Variants in LYPD6B observed in about 807,000 individuals in gnomAD.
The protein encoded by LYPD6B is ly6/PLAUR domain-containing protein 6B.
In LYPD6B, 17 loss-of-function variants were observed where a neutral mutation model predicts 22.8. That is an observed-to-expected ratio of 0.75 (90% CI 0.51 to 1.12). The LOEUF is 1.12. Among genes scored for constraint, LYPD6B ranks in the 50% most tolerant of loss-of-function variants. The pLI is 0.00. For synonymous variants in LYPD6B, 106 were observed against 91.6 expected (o/e 1.16, Z -0.90); for missense variants, 221 against 258.3 (o/e 0.86, Z 0.99).
chr2:149,039,473 C>T (rs918978077), intron 1 of LYPD6B, among the ~76,000 whole-genome samples: 8 of 152,240 alleles, frequency 5.3e-5, no homozygotes, highest in Non-Finnish European at 1.2e-4. Flanking sequence ...TGTCCACCTC[C>T]CAAGGCCAGG....
chr2:149,075,838 A>G (rs73963326), intron 1 of LYPD6B, among the ~76,000 whole-genome samples: 4,708 of 152,358 alleles, frequency 0.031, 242 homozygotes, highest in African/African-American at 0.11. Flanking sequence ...TATGTAATCC[A>G]TATAATTTTA....
chr2:149,115,617 T>TGTGGAAATGTTTAGAG (rs1230425426), intron 1 of LYPD6B, among the ~76,000 whole-genome samples: 1 of 152,192 alleles, frequency 6.6e-6, no homozygotes, highest in Admixed American at 6.5e-5. Context: ...CTGTGGTGAT[T>TGTGGAAATGTTTAGAG]GTGGAAATGT....
intron 1 of LYPD6B, among the ~76,000 whole-genome samples, chr2:149,050,106 G>T (rs932474554): frequency 6.6e-6 from 1 of 152,184 alleles, no homozygotes; most frequent in Non-Finnish European, 1.5e-5. Flanking sequence ...AGCGTAGTTT[G>T]TATGTTGCTC....
chr2:149,143,647 A>G (rs1688835214), intron 2 of LYPD6B, among the ~76,000 whole-genome samples: 1 of 152,170 alleles, frequency 6.6e-6, no homozygotes, highest in African/African-American at 2.4e-5. Context: ...TGAGGAGCAT[A>G]AAGACAGAAT....
At chr2:149,202,915 G>A (rs1279441111) in intron 3 of LYPD6B, among the ~76,000 whole-genome samples, 1 of 152,110 alleles carries the variant, frequency 6.6e-6, no homozygotes, top group East Asian at 1.9e-4. Context: ...CCTATGAAAT[G>A]GGTATTATTA....
chr2:149,146,522 T>C (rs1401825181), intron 2 of LYPD6B, among the ~76,000 whole-genome samples: 1 of 152,234 alleles, frequency 6.6e-6, no homozygotes, highest in East Asian at 1.9e-4. Context: ...CGCCAGGCTG[T>C]GTGAAAGGAG....
chr2:149,040,880 G>A (rs981939559), intron 1 of LYPD6B, among the ~76,000 whole-genome samples: 2 of 152,196 alleles, frequency 1.3e-5, no homozygotes, highest in Admixed American at 6.5e-5. Flanking sequence ...TCATTCATTC[G>A]ACATATAATA....
At chr2:149,211,442 C>T (rs926762465) in intron 5 of LYPD6B, among the ~76,000 whole-genome samples, 1 of 152,176 alleles carries the variant, frequency 6.6e-6, no homozygotes, top group South Asian at 2.1e-4. Flanking sequence ...CCTCAGTTTA[C>T]CAGTAAAATG....
intron 3 of LYPD6B, among the ~76,000 whole-genome samples, chr2:149,166,225 G>A (rs1001811290): frequency 1.4e-4 from 21 of 152,180 alleles, no homozygotes; most frequent in Non-Finnish European, 2.4e-4. Context: ...CCCAAGGAAA[G>A]GGTGGGTTGA....
At chr2:149,096,227 G>C (rs4667357) in intron 1 of LYPD6B, among the ~76,000 whole-genome samples, 85,114 of 151,798 alleles carry the variant, frequency 0.56, 24,452 homozygotes, top group Admixed American at 0.64. Context: ...AAGAGAGAGA[G>C]ACACACACAG....
intron 1 of LYPD6B, chr2:149,068,955 C>T (rs185976069): frequency 1.1e-4 from 27 of 246,050 alleles, no homozygotes; most frequent in African/African-American, 2.3e-5. Flanking sequence ...AAAATTATCT[C>T]GTCCGTCTCT....
chr2:149,150,954 C>G (rs991136933), intron 2 of LYPD6B, among the ~76,000 whole-genome samples: 1 of 151,998 alleles, frequency 6.6e-6, no homozygotes, highest in African/African-American at 2.4e-5. Context: ...GAGTCCTACC[C>G]TATTCTCATT....
intron 1 of LYPD6B, among the ~76,000 whole-genome samples, chr2:149,046,760 A>G (rs746273506): frequency 3.3e-5 from 5 of 152,082 alleles, no homozygotes; most frequent in African/African-American, 4.8e-5. Context: ...TTTCATTTGT[A>G]GTCTTATAGC....
chr2:149,147,991 A>G (rs1048544095), intron 2 of LYPD6B, among the ~76,000 whole-genome samples: 2 of 149,030 alleles, frequency 1.3e-5, no homozygotes, highest in African/African-American at 5.0e-5. Context: ...GGTAGTTTCC[A>G]TTCTTCTTCT....
chr2:149,179,244 C>T (rs991316939), intron 3 of LYPD6B, among the ~76,000 whole-genome samples: 1 of 152,190 alleles, frequency 6.6e-6, no homozygotes, highest in South Asian at 2.1e-4. Flanking sequence ...GAGTCTTCAA[C>T]GTGAATTAGA....
chr2:149,132,017 C>A (rs76987643), intron 2 of LYPD6B, among the ~76,000 whole-genome samples: 1,681 of 151,874 alleles, frequency 0.011, 12 homozygotes, highest in Non-Finnish European at 0.015. Flanking sequence ...AAAGACATGC[C>A]AAAGCTAACA....
At chr2:149,159,930 G>A (rs1362279376) in intron 2 of LYPD6B, among the ~76,000 whole-genome samples, 1 of 151,980 alleles carries the variant, frequency 6.6e-6, no homozygotes, top group Non-Finnish European at 1.5e-5. Context: ...ATACCTTCTT[G>A]GCATGGACTG....
intron 1 of LYPD6B, among the ~76,000 whole-genome samples, chr2:149,056,489 G>A (rs1412094058): frequency 6.6e-6 from 1 of 152,032 alleles, no homozygotes; most frequent in Non-Finnish European, 1.5e-5. Context: ...CTACCTTGTA[G>A]AATCAAAGAA....
intron 1 of LYPD6B, among the ~76,000 whole-genome samples, chr2:149,086,398 CA>C (rs1685393304): frequency 6.6e-6 from 1 of 152,200 alleles, no homozygotes; most frequent in Non-Finnish European, 1.5e-5. Flanking sequence ...CCTGCTCTTC[CA>C]GACTGAAGAA....
Sources: gnomAD v4.1 joint callset for allele counts (sites outside exome capture counted in the v4.1 genomes callset) on GRCh38, gnomAD v4.1.1 for gene constraint, MANE v1.5 for transcripts, NCBI Gene and HGNC (gene_info 2026-07-23, HGNC 2026-07-21) for gene names.